Variants in HMGCL observed in about 807,000 individuals in gnomAD.
The protein encoded by HMGCL is hydroxymethylglutaryl-CoA lyase, mitochondrial.
Under a neutral mutation model 37.3 loss-of-function variants are expected in HMGCL, and 26 were observed. The ratio of observed to expected loss-of-function variants is 0.70; its 90% CI spans 0.51 to 0.97. HMGCL has a LOEUF of 0.97. Ranked by LOEUF, HMGCL falls within the 50% of genes least tolerant of loss-of-function variation. The pLI is 0.00. For missense variants in HMGCL, 379 were observed against 398.1 expected, an observed-to-expected ratio of 0.95 and a Z score of 0.41; for synonymous variants, 151 against 148.0, an observed-to-expected ratio of 1.02 and a Z score of -0.15.
At chr1:23,807,391 C>T in intron 7 of HMGCL, 4 of 374,474 alleles carry the variant, frequency 1.1e-5, no homozygotes, top group Non-Finnish European at 2.1e-5. Context: ...AGACACGAAC[C>T]TCTAGGGGAT....
chr1:23,812,236 G>A (rs1218040894), intron 5 of HMGCL, among the ~76,000 whole-genome samples: 1 of 152,206 alleles, frequency 6.6e-6, no homozygotes, highest in Non-Finnish European at 1.5e-5. Context: ...ACACCATGGG[G>A]TCCCAGAGAA....
chr1:23,825,294 C>T (rs1384643885), intron 1 of HMGCL, 62 bp downstream of exon 1: 2 of 1,385,888 alleles, frequency 1.4e-6, no homozygotes, highest in African/African-American at 1.4e-5. Context: ...ACGGGCCAAG[C>T]CCCCAACCCT....
At chr1:23,809,696 C>G (rs529738225) in intron 6 of HMGCL, 1 of 152,166 alleles carries the variant, frequency 6.6e-6, no homozygotes, top group Non-Finnish European at 1.5e-5. Context: ...CCCCTAATCC[C>G]ATACGACTGG....
intron 7 of HMGCL, among the ~76,000 whole-genome samples, chr1:23,805,555 C>G (rs1169106247): frequency 2.6e-5 from 4 of 152,238 alleles, no homozygotes; most frequent in African/African-American, 9.6e-5. Context: ...CATCTTTGCA[C>G]TTGACTAGCC....
chr1:23,821,276 G>A (rs964606761), intron 1 of HMGCL, among the ~76,000 whole-genome samples: 2 of 151,988 alleles, frequency 1.3e-5, no homozygotes, highest in African/African-American at 2.4e-5. Context: ...AGAATTGCTT[G>A]AACCAGGGAG....
chr1:23,816,244 A>G, intron 4 of HMGCL: 1 of 280,850 alleles, frequency 3.6e-6, no homozygotes, highest in Non-Finnish European at 7.0e-6. Flanking sequence ...TTTTTGCCTA[A>G]ATACAGAACC....
intron 1 of HMGCL, among the ~76,000 whole-genome samples, chr1:23,823,728 T>C (rs1638764780): frequency 6.6e-6 from 1 of 151,876 alleles, no homozygotes; most frequent in Non-Finnish European, 1.5e-5. Context: ...CCCATTTTAC[T>C]GTAAGAAATC....
rs1259262506 is a variant in HMGCL at position 23,806,923 on chromosome 1, T to C, written c.750+1212A>G. The stretch of plus-strand genomic sequence containing the variant: ...CCCAGAGGGCAGGGATTGGGTCTTG[T>C]TACCATTGTCTAAGTCAGCACTTAA... On this transcript the variant is annotated intron_variant, in intron 7 of 8. Coordinates refer to ENST00000374490, the MANE Select transcript of HMGCL (RefSeq NM_000191.3). This position sits in a 1 kb window ranked among gnomAD's most constrained non-coding sequence, Gnocchi z 4.0. 1.9e-6 allele frequency: 1 copy of C among 517,376 alleles called. No homozygotes were observed. Among genetic ancestry groups the C allele is most frequent in the African/African-American group, 1.9e-5 (1 of 51,944 alleles). 32.0% of individuals were successfully genotyped at this position (517,376 alleles called of 1,614,324 possible). A position where few individuals can be genotyped will look rare whatever the true frequency, so the allele number is the denominator to read the frequency against.
chr1:23,818,501 C>A (rs1396643092), intron 2 of HMGCL, among the ~76,000 whole-genome samples: 2 of 152,114 alleles, frequency 1.3e-5, no homozygotes, highest in Non-Finnish European at 2.9e-5. Context: ...AGGTCCTCCC[C>A]TTGCCTGCCT....
intron 2 of HMGCL, among the ~76,000 whole-genome samples, chr1:23,819,340 T>G (rs1213688529): frequency 6.6e-6 from 1 of 152,210 alleles, no homozygotes; most frequent in Admixed American, 6.5e-5. Flanking sequence ...GTCCAGAATA[T>G]TTCCATCTTC....
chr1:23,802,626 A>G (rs1460106578), intron 8 of HMGCL, 62 bp from the exon 9 acceptor site: 2 of 1,045,570 alleles, frequency 1.9e-6, no homozygotes, highest in East Asian at 2.4e-5. Context: ...CAGGGAAAAC[A>G]TCAGCATGGA....
chr1:23,807,940 G>T (rs1044398120), intron 7 of HMGCL, among the ~76,000 whole-genome samples, 195 bp downstream of exon 7: 2 of 152,158 alleles, frequency 1.3e-5, no homozygotes, highest in African/African-American at 4.8e-5. Flanking sequence ...GGATTGCCAT[G>T]TAACTCCCTT....
chr1:23,807,030 C>G (rs1198003430), intron 7 of HMGCL: 1 of 518,972 alleles, frequency 1.9e-6, no homozygotes, highest in South Asian at 1.4e-5. Context: ...TCACACAGCT[C>G]AACCTGTTCC....
intron 6 of HMGCL, 139 bp downstream of exon 6, chr1:23,810,597 C>A: frequency 1.3e-6 from 1 of 741,024 alleles, no homozygotes. Flanking sequence ...GTGCTCACAG[C>A]AGGAGCTTAA....
chr1:23,807,412 A>G (rs901592545), intron 7 of HMGCL: 6 of 336,862 alleles, frequency 1.8e-5, no homozygotes, highest in South Asian at 6.9e-5. Context: ...AATTGAGAGG[A>G]AAAAAAAAGT....
At chr1:23,805,697 T>C (rs573184658) in intron 7 of HMGCL, among the ~76,000 whole-genome samples, 6 of 152,262 alleles carry the variant, frequency 3.9e-5, no homozygotes, top group East Asian at 1.9e-4. Flanking sequence ...CTGATCTCGG[T>C]TGGAGCCCTT....
chr1:23,813,258 G>A (rs188145497), intron 5 of HMGCL, among the ~76,000 whole-genome samples: 1,048 of 93,968 alleles, frequency 0.011, 11 homozygotes, highest in Middle Eastern at 0.056. Context: ...TTTTTGAGAT[G>A]GAGTTTTGCT....
At chr1:23,818,630 C>T (rs940835156) in intron 2 of HMGCL, among the ~76,000 whole-genome samples, 5 of 151,838 alleles carry the variant, frequency 3.3e-5, no homozygotes, top group Admixed American at 2.0e-4. Flanking sequence ...CAGCTCACTG[C>T]GACCTCCGCC....
chr1:23,802,187 C>T lies in HMGCL; in HGVS notation c.*276G>A, dbSNP rs1262976584. 3 of 596,120 alleles carry T rather than the reference C, an allele frequency of 5.0e-6. No individual in the cohort carries two copies. The highest frequency in any genetic ancestry group is 3.7e-5 in the African/African-American group (2 of 53,824). 36.9% of individuals were successfully genotyped at this position (596,120 alleles called of 1,614,324 possible). A position where few individuals can be genotyped will look rare whatever the true frequency, so the allele number is the denominator to read the frequency against. ...CTAAGTAGGGAACGGGGTTCCCACA[C>T]GTCCTCAGGCATTCAACTCCTGGGC... is the stretch of plus-strand genomic sequence containing the variant. On this transcript the variant is annotated 3_prime_UTR_variant, in exon 9 of 9. Transcript: ENST00000374490.
Sources: gnomAD v4.1 joint callset for allele counts (sites outside exome capture counted in the v4.1 genomes callset) on GRCh38, gnomAD v4.1.1 for gene constraint, Gnocchi (gnomAD v3.1) non-coding constraint, MANE v1.5 for transcripts, NCBI Gene and HGNC (gene_info 2026-07-23, HGNC 2026-07-21) for gene names.